MGAT1: variants seen among roughly 807,000 people sequenced by gnomAD.
MGAT1 encodes the protein alpha-1,3-mannosyl-glycoprotein 2-beta-N-acetylglucosaminyltransferase.
Under a neutral mutation model 31.7 loss-of-function variants are expected in MGAT1, and 14 were observed. The observed-to-expected ratio is 0.44, with a 90% confidence interval of 0.29 to 0.69. The LOEUF is 0.69. Among genes scored for constraint, MGAT1 ranks in the 30% least tolerant of loss-of-function variants. The probability of loss-of-function intolerance (pLI) is 0.12; values close to 1 mark genes in which losing one functional copy is unlikely to be tolerated. For missense variants in MGAT1, 557 were observed against 626.0 expected (o/e 0.89, Z 1.18); for synonymous variants, 338 against 276.0 (o/e 1.22, Z -2.23).
rs1767624586 is a variant in MGAT1 at position 180,787,182 on chromosome 5, G to GCAGGT, written c.*4447_*4451dup. On this transcript the variant is annotated 3_prime_UTR_variant, in exon 2 of 2. Coordinates refer to ENST00000307826, the MANE Select transcript of MGAT1 (RefSeq NM_002406.4). ...GAACAGCTGGACCCGAGTCAGACACGCAGGTCACGGGCCCAGAGCAGGGCC... is the reference window on the plus strand; with the variant it reads ...GAACAGCTGGACCCGAGTCAGACACGCAGGTCAGGTCACGGGCCCAGAGCAGGGCC... 6.6e-6 allele frequency: 1 copy of GCAGGT among 152,348 alleles called. No homozygotes were observed. The highest frequency in any genetic ancestry group is 1.5e-5 in the Non-Finnish European group (1 of 68,144). 9.4% of individuals were successfully genotyped at this position (152,348 alleles called of 1,614,324 possible). A position where few individuals can be genotyped will look rare whatever the true frequency, so the allele number is the denominator to read the frequency against.
At chr5:180,810,017 C>T (rs569647227) in intron 1 of MGAT1, 2 of 152,380 alleles carry the variant, frequency 1.3e-5, no homozygotes, top group Admixed American at 1.3e-4. Flanking sequence ...ACGACCCTCG[C>T]TCTAACTGCG....
intron 1 of MGAT1, among the ~76,000 whole-genome samples, chr5:180,794,611 A>T (rs1359859849): frequency 6.6e-6 from 1 of 152,196 alleles, no homozygotes; most frequent in Admixed American, 6.5e-5. Context: ...GTGTTATAAT[A>T]ATTACGTAGC....
intron 1 of MGAT1, among the ~76,000 whole-genome samples, chr5:180,797,120 G>T (rs1037602282): frequency 6.6e-6 from 1 of 152,172 alleles, no homozygotes; most frequent in African/African-American, 2.4e-5. Flanking sequence ...TAGAAGGGTG[G>T]GGCCCCACTG....
chr5:180,792,409 T>A lies in MGAT1; in HGVS notation c.563A>T (p.His188Leu), dbSNP rs1237949544. The change falls in exon 2 of 2, where the codon CAC (histidine) becomes CTC (leucine). Residue 188 changes from histidine (H) to leucine (L), a missense_variant. Around this residue, in one of 3 missense-constraint regions of MGAT1, gnomAD observed 245 missense variants for 332.9 expected, o/e 0.74. Transcript: ENST00000307826. ...KFQGYYKIAR[H>L]YRWALGQVFR... Reference sequence around the variant, plus strand: ...GACCTGGCCCAGCGCCCAGCGGTAGTGGCGCGCGATCTTGTAGTAGCCCTG... The same window carrying A: ...GACCTGGCCCAGCGCCCAGCGGTAGAGGCGCGCGATCTTGTAGTAGCCCTG... 1 of 1,610,166 alleles carries A rather than the reference T, an allele frequency of 6.2e-7. No individual in the cohort carries two copies. The highest frequency in any genetic ancestry group is 8.5e-7 in the Non-Finnish European group (1 of 1,177,700).
In MGAT1 at chr5:180,786,438, C is replaced by G. The variant is rs537482108; in HGVS notation, c.*5196G>C. 6.6e-6 allele frequency: 1 copy of G among 152,232 alleles called. No homozygotes were observed. Among genetic ancestry groups the G allele is most frequent in the Non-Finnish European group, 1.5e-5 (1 of 68,054 alleles). The allele number at this position is 152,232 out of a possible 1,614,324, so 9.4% of individuals were successfully genotyped here. A position where few individuals can be genotyped will look rare whatever the true frequency, so the allele number is the denominator to read the frequency against. ...CCAGGCACCGTGTATGGCCGTGGTC[C>G]CTGTAGTCGCCCATACAATCACTCC... On this transcript the variant is annotated 3_prime_UTR_variant, in exon 2 of 2. Coordinates refer to ENST00000307826, the MANE Select transcript of MGAT1 (RefSeq NM_002406.4).
chr5:180,809,641 A>AT (rs1235711788), intron 1 of MGAT1: 1 of 150,872 alleles, frequency 6.6e-6, no homozygotes, highest in South Asian at 2.1e-4. Context: ...AACCTCTGTT[A>AT]AAGTCCTTCC....
chr5:180,810,818 C>G (rs1772502104), intron 1 of MGAT1: 1 of 152,398 alleles, frequency 6.6e-6, no homozygotes, highest in Non-Finnish European at 1.5e-5. Context: ...TGCTGTTTCT[C>G]GCTGCCTCTC....
chr5:180,804,121 C>T (rs535113560), upstream of MGAT1, among the ~76,000 whole-genome samples: 2 of 152,326 alleles, frequency 1.3e-5, no homozygotes, highest in East Asian at 3.9e-4. Context: ...GGTCACCAGG[C>T]ATGGTGAGGG....
chr5:180,794,700 G>A (rs997486790), intron 1 of MGAT1, among the ~76,000 whole-genome samples: 4 of 152,142 alleles, frequency 2.6e-5, no homozygotes, highest in Non-Finnish European at 5.9e-5. Flanking sequence ...GCTGCCGGAG[G>A]TGGGGTCTAG....
At position 180,784,860 on chromosome 5, in the gene MGAT1, G is replaced by T. The variant is rs952508508; in HGVS notation, c.*6774C>A. 3 of 152,100 alleles carry T rather than the reference G, an allele frequency of 2.0e-5. No individual in the cohort carries two copies. Among genetic ancestry groups the T allele is most frequent in the African/African-American group, 2.4e-5 (1 of 41,432 alleles). The allele number at this position is 152,100 out of a possible 1,614,324, so 9.4% of individuals were successfully genotyped here. On this transcript the variant is annotated 3_prime_UTR_variant, in exon 2 of 2. Coordinates refer to ENST00000307826, the MANE Select transcript of MGAT1 (RefSeq NM_002406.4). ...CGATAAGCACATATTACTTATATACGAAAAAAGTTATTTAAAAAACAATAT... is the reference window on the plus strand; with the variant it reads ...CGATAAGCACATATTACTTATATACTAAAAAAGTTATTTAAAAAACAATAT...
intron 1 of MGAT1, chr5:180,811,511 C>G (rs1353051248): frequency 6.6e-6 from 1 of 152,222 alleles, no homozygotes; most frequent in East Asian, 1.9e-4. Context: ...CAGGCCAGAA[C>G]CAGAAGAGCC....
intron 1 of MGAT1, among the ~76,000 whole-genome samples, chr5:180,814,409 C>A (rs1013753432): frequency 1.3e-5 from 2 of 152,242 alleles, no homozygotes; most frequent in African/African-American, 4.8e-5. Context: ...CGCCAGCACG[C>A]TCTCTGGGGT....
intron 1 of MGAT1, among the ~76,000 whole-genome samples, chr5:180,797,388 C>T (rs1281525388): frequency 8.4e-6 from 1 of 119,490 alleles, no homozygotes; most frequent in African/African-American, 3.3e-5. Context: ...GATGATGAAG[C>T]AAGACTCCAT....
chr5:180,789,841 AG>A lies in MGAT1; in HGVS notation c.*1792del. The stretch of plus-strand genomic sequence containing the variant: ...ATTTTTAGGTTTCACCATGTTGGCC[AG>A]GATGGTCCCGAACTCCTGACTTCGT... On this transcript the variant is annotated 3_prime_UTR_variant, in exon 2 of 2. Transcript: ENST00000307826. 2 of 151,864 alleles carry A rather than the reference AG, an allele frequency of 1.3e-5. No homozygotes were observed. The highest frequency in any genetic ancestry group is 2.1e-4 in the South Asian group (1 of 4,798). 9.4% of individuals were successfully genotyped at this position (151,864 alleles called of 1,614,324 possible).
chr5:180,814,423 C>T (rs1225009016), intron 1 of MGAT1, among the ~76,000 whole-genome samples: 2 of 152,226 alleles, frequency 1.3e-5, no homozygotes, highest in Non-Finnish European at 2.9e-5. Flanking sequence ...CTGGGGTTCC[C>T]CCTCCTCTGG....
chr5:180,811,872 CTGTTGTCTATT>C (rs1007982577), intron 1 of MGAT1, among the ~76,000 whole-genome samples: 1 of 152,240 alleles, frequency 6.6e-6, no homozygotes, highest in African/African-American at 2.4e-5. Context: ...TCTGCACCGG[CTGTTGTCTATT>C]TGTAAAACAC....
upstream of MGAT1, among the ~76,000 whole-genome samples, chr5:180,806,643 G>A (rs1423210667): frequency 1.3e-5 from 2 of 152,190 alleles, no homozygotes; most frequent in African/African-American, 4.8e-5. Context: ...CTACCCTTAG[G>A]CAAACCCTTC....
At position 180,791,905 on chromosome 5, in the gene MGAT1, C is replaced by G. The variant is rs771415917; in HGVS notation, c.1067G>C (p.Arg356Pro). Residue 356 changes from arginine to proline, a missense_variant, in exon 2 of 2, where the codon CGA becomes CCA. Coordinates refer to ENST00000307826, the MANE Select transcript of MGAT1 (RefSeq NM_002406.4). ...LSYLQREAYD[R>P]DFLARVYGAP... ...ACCGTAGACGCGGGCGAGGAAATCT[C>G]GGTCATAGGCCTCCCGCTGCAGGTA... 8 of 1,614,114 alleles carry G rather than the reference C, an allele frequency of 5.0e-6. No homozygotes were observed. Among genetic ancestry groups the G allele is most frequent in the Non-Finnish European group, 6.8e-6 (8 of 1,180,060 alleles).
In MGAT1 at chr5:180,792,647, G is replaced by A; in HGVS notation, c.325C>T (p.Leu109=). ...VTPAPAVIPI[L]VIACDRSTVR... ...GTGCTGCGGTCACAGGCGATGACCA[G>A]GATGGGAATCACCGCCGGCGCGGGG... is the stretch of plus-strand genomic sequence containing the variant. The change falls in exon 2 of 2, where the codon CTG becomes TTG. Residue 109 remains leucine, a synonymous_variant. Transcript: ENST00000307826. 6.3e-7 allele frequency: 1 copy of A among 1,588,518 alleles called. No individual in the cohort carries two copies. Among genetic ancestry groups the A allele is most frequent in the Non-Finnish European group, 8.6e-7 (1 of 1,165,598 alleles).
Sources: gnomAD v4.1 joint callset for allele counts (sites outside exome capture counted in the v4.1 genomes callset) on GRCh38, gnomAD v4.1.1 for gene constraint, gnomAD v4.1.1 regional missense constraint, MANE v1.5 for transcripts, NCBI Gene and HGNC (gene_info 2026-07-23, HGNC 2026-07-21) for gene names.